Variants in NEURL1 observed in about 807,000 individuals in gnomAD.
NEURL1 encodes E3 ubiquitin-protein ligase NEURL1.
In NEURL1, 26 loss-of-function variants were observed where a neutral mutation model predicts 41.2. The observed-to-expected ratio is 0.63, with a 90% CI of 0.46 to 0.87. The LOEUF is 0.87. Ranked by LOEUF, NEURL1 falls within the 40% of genes least tolerant of loss-of-function variation. The probability of loss-of-function intolerance (pLI) is 0.00; values close to 1 mark genes in which losing one functional copy is unlikely to be tolerated. For missense variants in NEURL1, 761 were observed against 871.1 expected, an observed-to-expected ratio of 0.87 and a Z score of 1.59; for synonymous variants, 400 against 402.3, an observed-to-expected ratio of 0.99 and a Z score of 0.07.
intron 4 of NEURL1, among the ~76,000 whole-genome samples, chr10:103,588,177 G>T (rs2035961399): frequency 1.3e-5 from 2 of 151,988 alleles, no homozygotes; most frequent in African/African-American, 4.8e-5. Context: ...CTGGTGGCAG[G>T]CGCCTGTAGT....
At chr10:103,554,405 T>C (rs1339728767) in intron 1 of NEURL1, among the ~76,000 whole-genome samples, 1 of 152,186 alleles carries the variant, frequency 6.6e-6, no homozygotes, top group Non-Finnish European at 1.5e-5. Flanking sequence ...TATGAGCCCA[T>C]GTATATGCAC....
intron 3 of NEURL1, among the ~76,000 whole-genome samples, chr10:103,576,118 C>CAT (rs1441447502): frequency 6.6e-6 from 1 of 152,234 alleles, no homozygotes; most frequent in East Asian, 1.9e-4. Context: ...GGGGACACAT[C>CAT]ATATAACTGA....
At chr10:103,561,579 A>G (rs1284784983) in intron 1 of NEURL1, among the ~76,000 whole-genome samples, 1 of 152,086 alleles carries the variant, frequency 6.6e-6, no homozygotes, top group African/African-American at 2.4e-5. Flanking sequence ...TCTGTATTCT[A>G]TTCATTCGAA....
At chr10:103,574,478 G>C (rs1220719970) in intron 3 of NEURL1, among the ~76,000 whole-genome samples, 1 of 152,242 alleles carries the variant, frequency 6.6e-6, no homozygotes, top group African/African-American at 2.4e-5. Flanking sequence ...CTTGAACTGG[G>C]TGTTCTGATG....
intron 1 of NEURL1, among the ~76,000 whole-genome samples, chr10:103,559,748 C>T (rs2035241016): frequency 6.6e-6 from 1 of 152,078 alleles, no homozygotes; most frequent in Non-Finnish European, 1.5e-5. Context: ...ACACCTGGTA[C>T]ATAGTAAGCA....
At chr10:103,542,794 A>G (rs2034846903) in intron 1 of NEURL1, among the ~76,000 whole-genome samples, 1 of 152,168 alleles carries the variant, frequency 6.6e-6, no homozygotes, top group Non-Finnish European at 1.5e-5. Flanking sequence ...GAAGACTGAA[A>G]CAGTTCGTGA....
At chr10:103,505,282 G>A (rs2033922367) in intron 1 of NEURL1, among the ~76,000 whole-genome samples, 1 of 148,278 alleles carries the variant, frequency 6.7e-6, no homozygotes, top group Non-Finnish European at 1.5e-5. Context: ...GGAGTGCACT[G>A]GTGCGATCTC....
At chr10:103,554,713 T>C (rs1279535899) in intron 1 of NEURL1, among the ~76,000 whole-genome samples, 2 of 152,186 alleles carry the variant, frequency 1.3e-5, no homozygotes, top group African/African-American at 4.8e-5. Context: ...AAGGAGTTAA[T>C]ACTTGCAAAG....
At chr10:103,497,067 T>G (rs1298571772) in intron 1 of NEURL1, among the ~76,000 whole-genome samples, 1 of 152,190 alleles carries the variant, frequency 6.6e-6, no homozygotes, top group African/African-American at 2.4e-5. Context: ...GGCCGCCAGT[T>G]GTTGGCTCTG....
chr10:103,565,753 T>G (rs1360513408), intron 1 of NEURL1, among the ~76,000 whole-genome samples: 1 of 152,180 alleles, frequency 6.6e-6, no homozygotes, highest in African/African-American at 2.4e-5. Flanking sequence ...CAGGCTCAAG[T>G]GATCCTCCCG....
intron 1 of NEURL1, among the ~76,000 whole-genome samples, chr10:103,496,400 A>G (rs1304266163): frequency 6.6e-6 from 1 of 152,214 alleles, no homozygotes; most frequent in African/African-American, 2.4e-5. Flanking sequence ...TATGATCCCA[A>G]TTTTGTTTAA....
Position 103,590,489 on chromosome 10 carries a change from A to C in NEURL1, c.*117A>C. ...TCATTTTGGAAACTTTTCCTCCTCT[A>C]TTAAACATGGGAAACTGAAGCCCTT... On this transcript the variant is annotated 3_prime_UTR_variant, in exon 6 of 6. Coordinates refer to ENST00000369780, the MANE Select transcript of NEURL1 (RefSeq NM_004210.5). 1.3e-6 allele frequency: 1 copy of C among 771,258 alleles called. No homozygotes were observed. Among genetic ancestry groups the C allele is most frequent in the Non-Finnish European group, 2.1e-6 (1 of 470,306 alleles). The allele number at this position is 771,258 out of a possible 1,614,324, so 47.8% of individuals were successfully genotyped here.
chr10:103,580,439 T>G (rs1360441589), intron 3 of NEURL1, among the ~76,000 whole-genome samples: 1 of 152,154 alleles, frequency 6.6e-6, no homozygotes, highest in Non-Finnish European at 1.5e-5. Context: ...TTCTAAGCCT[T>G]ACCCATCAAG....
At chr10:103,548,495 G>A (rs981593548) in intron 1 of NEURL1, among the ~76,000 whole-genome samples, 4 of 150,782 alleles carry the variant, frequency 2.7e-5, no homozygotes, top group African/African-American at 9.8e-5. Flanking sequence ...GCTAATTTTT[G>A]TATTTTTAGT....
chr10:103,547,094 A>G (rs888139354), intron 1 of NEURL1, among the ~76,000 whole-genome samples: 1 of 152,164 alleles, frequency 6.6e-6, no homozygotes, highest in Non-Finnish European at 1.5e-5. Flanking sequence ...CATTTCATCT[A>G]CCCAGTAGCC....
At chr10:103,510,026 T>C (rs2034034453) in intron 1 of NEURL1, among the ~76,000 whole-genome samples, 1 of 151,824 alleles carries the variant, frequency 6.6e-6, no homozygotes, top group South Asian at 2.1e-4. Flanking sequence ...AGGGTGGAGG[T>C]CTTGTACCCT....
intron 1 of NEURL1, among the ~76,000 whole-genome samples, chr10:103,512,340 A>G (rs2034091842): frequency 6.6e-6 from 1 of 152,242 alleles, no homozygotes; most frequent in African/African-American, 2.4e-5. Context: ...ACCTATGTGT[A>G]GCCATGAGGC....
chr10:103,590,485 C>T lies in NEURL1; in HGVS notation c.*113C>T. The T allele has an allele frequency of 1.3e-6, 1 of 793,222 alleles. No individual in the cohort carries two copies. The allele number at this position is 793,222 out of a possible 1,614,324, so 49.1% of individuals were successfully genotyped here. A position where few individuals can be genotyped will look rare whatever the true frequency, so the allele number is the denominator to read the frequency against. On this transcript the variant is annotated 3_prime_UTR_variant, in exon 6 of 6. Coordinates refer to ENST00000369780, the MANE Select transcript of NEURL1 (RefSeq NM_004210.5). ...TTCCTCATTTTGGAAACTTTTCCTCCTCTATTAAACATGGGAAACTGAAGC... is the reference window on the plus strand; with the variant it reads ...TTCCTCATTTTGGAAACTTTTCCTCTTCTATTAAACATGGGAAACTGAAGC...
chr10:103,585,908 A>G (rs1310486812), intron 4 of NEURL1, among the ~76,000 whole-genome samples: 2 of 152,150 alleles, frequency 1.3e-5, no homozygotes, highest in South Asian at 2.1e-4. Context: ...CAAAATGGAA[A>G]TAAAGGTCCT....
Sources: allele counts gnomAD v4.1 joint callset (sites outside exome capture counted in the v4.1 genomes callset), GRCh38; gene constraint gnomAD v4.1.1; transcripts MANE v1.5; gene names NCBI Gene and HGNC (gene_info 2026-07-23, HGNC 2026-07-21).